C3orf70: variants seen among roughly 807,000 people sequenced by gnomAD.
C3orf70 encodes UPF0524 protein C3orf70.
In C3orf70, 15 loss-of-function variants were observed where a neutral mutation model predicts 20.7. The ratio of observed to expected loss-of-function variants is 0.72; its 90% confidence interval spans 0.48 to 1.11. The LOEUF is 1.11. Ranked by LOEUF, C3orf70 falls within the 50% of genes most tolerant of loss-of-function variation. C3orf70 has a pLI of 0.00. For missense variants in C3orf70, 332 were observed against 317.6 expected (o/e 1.05, Z -0.34); for synonymous variants, 161 against 125.7 (o/e 1.28, Z -1.88).
rs747847392 is a variant in C3orf70 at position 185,152,730 on chromosome 3, T to G, written c.94A>C (p.Arg32=). The G allele has an allele frequency of 2.5e-6, 4 of 1,593,980 alleles. No individual in the cohort carries two copies. Among genetic ancestry groups the G allele is most frequent in the East Asian group, 2.4e-5 (1 of 42,222 alleles). ...QALARSCAAR[R]PDFQPCDGLS... The stretch of plus-strand genomic sequence containing the variant: ...CCGTCGCACGGCTGGAAGTCGGGTC[T>G]GCGGGCGGCGCAACTCCGCGCCAGG... Residue 32 remains arginine, a synonymous_variant, in exon 1 of 2, where the codon AGA becomes CGA. Coordinates refer to ENST00000335012, the MANE Select transcript of C3orf70 (RefSeq NM_001025266.3).
At chr3:185,098,085 A>G (rs928227179) in intron 1 of C3orf70, among the ~76,000 whole-genome samples, 13 of 152,326 alleles carry the variant, frequency 8.5e-5, no homozygotes, top group Non-Finnish European at 1.0e-4. Flanking sequence ...ACCCTTGCAG[A>G]GAGACAAAGC....
At chr3:185,147,417 C>A (rs1344931677) in intron 1 of C3orf70, among the ~76,000 whole-genome samples, 1 of 152,214 alleles carries the variant, frequency 6.6e-6, no homozygotes, top group East Asian at 1.9e-4. Context: ...GATTTAACTA[C>A]TGCAATTGAT....
intron 1 of C3orf70, among the ~76,000 whole-genome samples, chr3:185,133,642 G>A (rs1250703603): frequency 6.6e-6 from 1 of 152,212 alleles, no homozygotes; most frequent in Non-Finnish European, 1.5e-5. Context: ...TTGGGAGGCT[G>A]AGAGAGGAGA....
intron 1 of C3orf70, among the ~76,000 whole-genome samples, chr3:185,137,281 T>G (rs570079353): frequency 6.6e-6 from 1 of 152,352 alleles, no homozygotes; most frequent in African/African-American, 2.4e-5. Context: ...CATGGAACTG[T>G]ACATCCCATT....
At chr3:185,135,308 T>C (rs548063996) in intron 1 of C3orf70, among the ~76,000 whole-genome samples, 4 of 152,018 alleles carry the variant, frequency 2.6e-5, no homozygotes, top group Non-Finnish European at 5.9e-5. Flanking sequence ...AAAGAAATAA[T>C]CTTGGCAAAG....
At chr3:185,100,179 CAGT>C (rs1715792994) in intron 1 of C3orf70, among the ~76,000 whole-genome samples, 1 of 152,184 alleles carries the variant, frequency 6.6e-6, no homozygotes, top group African/African-American at 2.4e-5. Flanking sequence ...GACCTGAACT[CAGT>C]AGTGGATCAA....
At chr3:185,146,864 G>A (rs976481891) in intron 1 of C3orf70, among the ~76,000 whole-genome samples, 2 of 152,170 alleles carry the variant, frequency 1.3e-5, no homozygotes, top group African/African-American at 4.8e-5. Flanking sequence ...CTAACGAAAA[G>A]AAGTATATTT....
chr3:185,147,681 T>C (rs1195499646), intron 1 of C3orf70, among the ~76,000 whole-genome samples: 1 of 152,238 alleles, frequency 6.6e-6, no homozygotes, highest in African/African-American at 2.4e-5. Context: ...GTGCTCAGCA[T>C]AATAAGCTTA....
chr3:185,123,367 C>T (rs976906713), intron 1 of C3orf70, among the ~76,000 whole-genome samples: 3 of 151,918 alleles, frequency 2.0e-5, no homozygotes, highest in Non-Finnish European at 2.9e-5. Flanking sequence ...GGTGACCCAT[C>T]GTGGTTTTTG....
intron 1 of C3orf70, among the ~76,000 whole-genome samples, chr3:185,150,101 A>ATT (rs1716958152): frequency 6.6e-6 from 1 of 152,194 alleles, no homozygotes; most frequent in Non-Finnish European, 1.5e-5. Flanking sequence ...GATTTCAATA[A>ATT]GGTATTTGAC....
At chr3:185,109,344 G>T (rs548584608) in intron 1 of C3orf70, among the ~76,000 whole-genome samples, 1 of 152,288 alleles carries the variant, frequency 6.6e-6, no homozygotes, top group South Asian at 2.1e-4. Flanking sequence ...TTATGCTTGC[G>T]TTTCTCCAGG....
At chr3:185,089,137 G>A (rs2108587655) in intron 1 of C3orf70, among the ~76,000 whole-genome samples, 1 of 152,296 alleles carries the variant, frequency 6.6e-6, no homozygotes, top group South Asian at 2.1e-4. Context: ...CTGATAAACT[G>A]AGGCCAACTT....
In C3orf70 at chr3:185,113,664, T is replaced by C. The variant is rs372508602; in HGVS notation, c.197-30101A>G. ...CAAAAGTAAAATTCCAGTTGTGATATATATGAAAAAAAGACACAGTGGGCT... is the reference window on the plus strand; with the variant it reads ...CAAAAGTAAAATTCCAGTTGTGATACATATGAAAAAAAGACACAGTGGGCT... On this transcript the variant is annotated intron_variant, in intron 1 of 1. Coordinates refer to ENST00000335012, the MANE Select transcript of C3orf70 (RefSeq NM_001025266.3). 1.0e-3 allele frequency among the ~76,000 whole-genome samples: 157 copies of C among 152,294 alleles called. 1 individual carries two copies. The highest frequency in any genetic ancestry group is 6.6e-3 in the South Asian group (32 of 4,832).
chr3:185,090,933 T>TAAC (rs1032917574), intron 1 of C3orf70, among the ~76,000 whole-genome samples: 1 of 152,188 alleles, frequency 6.6e-6, no homozygotes, highest in African/African-American at 2.4e-5. Flanking sequence ...ATTGCATGTA[T>TAAC]AACTTCTTTA....
chr3:185,137,112 G>A (rs1340938109), intron 1 of C3orf70, among the ~76,000 whole-genome samples: 1 of 152,140 alleles, frequency 6.6e-6, no homozygotes, highest in East Asian at 1.9e-4. Flanking sequence ...TGTCTTTCCC[G>A]TGCTGTTCTC....
intron 1 of C3orf70, among the ~76,000 whole-genome samples, chr3:185,116,543 T>C (rs1373466004): frequency 6.6e-6 from 1 of 152,206 alleles, no homozygotes; most frequent in Non-Finnish European, 1.5e-5. Flanking sequence ...GACCTCTTGC[T>C]CACTAGAAAT....
intron 1 of C3orf70, among the ~76,000 whole-genome samples, chr3:185,138,511 C>T (rs558889822): frequency 6.6e-6 from 1 of 151,228 alleles, no homozygotes; most frequent in Non-Finnish European, 1.5e-5. Flanking sequence ...AAACTATTAG[C>T]CAATAGAAAT....
chr3:185,152,675 C>A lies in C3orf70; in HGVS notation c.149G>T (p.Gly50Val). The A allele has an allele frequency of 6.3e-7, 1 of 1,592,738 alleles. No individual in the cohort carries two copies. Among genetic ancestry groups the A allele is most frequent in the Non-Finnish European group, 8.5e-7 (1 of 1,169,838 alleles). ...GCACCAGTGCAGCTTGAAGCACTTG[C>A]CATGGCTGTGCGTGGCACAGATAGA... ...GLSICATHSH[G>V]KCFKLHWCCH... is the part of the protein sequence containing the mutation. Residue 50 changes from glycine (G) to valine (V), a missense_variant, in exon 1 of 2, where the codon GGC becomes GTC. Gly to Val is a moderately radical substitution (Grantham distance 109). Coordinates refer to ENST00000335012, the MANE Select transcript of C3orf70 (RefSeq NM_001025266.3).
At position 185,099,706 on chromosome 3, in the gene C3orf70, C is replaced by T. The variant is rs569193472; in HGVS notation, c.197-16143G>A. On this transcript the variant is annotated intron_variant, in intron 1 of 1. Transcript: ENST00000335012. ...GCATGATAGCAGGATCAGATCCACA[C>T]ATGTCAATACTAACCTTGAATGTAA... is the stretch of plus-strand genomic sequence containing the variant. Among the ~76,000 whole-genome samples the T allele has an allele frequency of 2.0e-5, 3 of 152,292 alleles. No individual in the cohort carries two copies. In the South Asian group the frequency reaches 6.2e-4, roughly 32 times the overall value.
Sources: gnomAD v4.1 joint callset for allele counts (sites outside exome capture counted in the v4.1 genomes callset) on GRCh38, gnomAD v4.1.1 for gene constraint, MANE v1.5 for transcripts, NCBI Gene and HGNC (gene_info 2026-07-23, HGNC 2026-07-21) for gene names.